The following RPS6KC1 variants were observed in gnomAD, a reference collection of about 807,000 sequenced individuals.
The protein encoded by RPS6KC1 is inactive ribosomal protein S6 kinase delta-1.
In RPS6KC1, 54 loss-of-function variants were observed where a neutral mutation model predicts 103.8. The ratio of observed to expected loss-of-function variants is 0.52; its 90% CI spans 0.42 to 0.65. RPS6KC1 has a LOEUF of 0.65. RPS6KC1 is among the 30% of genes least tolerant of loss of function. RPS6KC1 has a pLI of 0.00. For synonymous variants in RPS6KC1, 439 were observed against 438.7 expected, an observed-to-expected ratio of 1.00 and a Z score of -0.01; for missense variants, 1,151 against 1,253.8, an observed-to-expected ratio of 0.92 and a Z score of 1.24.
chr1:213,173,716 A>G (rs2091655118), intron 7 of RPS6KC1, among the ~76,000 whole-genome samples: 1 of 152,148 alleles, frequency 6.6e-6, no homozygotes, highest in Non-Finnish European at 1.5e-5. Context: ...AGAGTGTTTT[A>G]TTGTTATTTA....
At chr1:213,343,845 A>G in the RPS6KC1 span, among the ~76,000 whole-genome samples, 1 of 152,110 alleles carries the variant, frequency 6.6e-6, no homozygotes, top group African/African-American at 2.4e-5. Flanking sequence ...GGAGGAAAAT[A>G]TTGTTAATGA....
the RPS6KC1 span, among the ~76,000 whole-genome samples, chr1:213,657,890 T>A: frequency 1.3e-5 from 2 of 152,238 alleles, no homozygotes; most frequent in African/African-American, 4.8e-5. Flanking sequence ...CATGGATGAA[T>A]AACATATTTT....
chr1:213,343,214 A>G, the RPS6KC1 span, among the ~76,000 whole-genome samples: 1 of 151,562 alleles, frequency 6.6e-6, no homozygotes, highest in South Asian at 2.1e-4. Context: ...TCCCTATTTT[A>G]TAGAGCAAAA....
the RPS6KC1 span, among the ~76,000 whole-genome samples, chr1:213,407,364 T>G: frequency 3.6e-4 from 55 of 152,116 alleles, 2 homozygotes; most frequent in South Asian, 0.011. Context: ...GGGCCCTAGA[T>G]TTTGCTCATT....
chr1:213,211,542 A>G (rs2093506639), intron 8 of RPS6KC1, among the ~76,000 whole-genome samples: 1 of 152,228 alleles, frequency 6.6e-6, no homozygotes, highest in Non-Finnish European at 1.5e-5. Flanking sequence ...TTACAAAGAC[A>G]CACCATTGTC....
the RPS6KC1 span, among the ~76,000 whole-genome samples, chr1:213,643,456 T>C: frequency 1.3e-5 from 2 of 152,034 alleles, no homozygotes; most frequent in South Asian, 4.1e-4. Context: ...TGTAAATATA[T>C]GGGAATGCTG....
chr1:213,260,994 A>G (rs1180076806), intron 12 of RPS6KC1, among the ~76,000 whole-genome samples: 3 of 152,216 alleles, frequency 2.0e-5, no homozygotes, highest in African/African-American at 7.2e-5. Flanking sequence ...GTGGATTTGC[A>G]TTTCACATGC....
the RPS6KC1 span, chr1:213,820,670 A>G: frequency 1.3e-5 from 2 of 152,154 alleles, no homozygotes; most frequent in Non-Finnish European, 2.9e-5. Context: ...ACTCTTGGGT[A>G]TATTTCGACA....
chr1:213,834,836 T>G, the RPS6KC1 span, among the ~76,000 whole-genome samples: 1 of 152,156 alleles, frequency 6.6e-6, no homozygotes, highest in South Asian at 2.1e-4. Flanking sequence ...CAGCACCTAG[T>G]TCACTGAGAC....
chr1:213,423,976 G>A, the RPS6KC1 span, among the ~76,000 whole-genome samples: 1 of 152,246 alleles, frequency 6.6e-6, no homozygotes, highest in South Asian at 2.1e-4. Flanking sequence ...ATTAGTGTGA[G>A]TTTTGGAGTA....
intron 3 of RPS6KC1, among the ~76,000 whole-genome samples, chr1:213,079,576 C>T: frequency 6.6e-6 from 1 of 151,928 alleles, no homozygotes; most frequent in Non-Finnish European, 1.5e-5. Flanking sequence ...CACCACCATG[C>T]CTGGCTAATT....
chr1:213,689,139 G>T, the RPS6KC1 span, among the ~76,000 whole-genome samples: 1 of 152,184 alleles, frequency 6.6e-6, no homozygotes, highest in African/African-American at 2.4e-5. Context: ...TCAGAGGAGG[G>T]ATCCCTCACT....
At chr1:213,599,832 G>A in the RPS6KC1 span, among the ~76,000 whole-genome samples, 5 of 152,186 alleles carry the variant, frequency 3.3e-5, no homozygotes, top group African/African-American at 1.2e-4. Flanking sequence ...TCACAGAGAG[G>A]TCTGGGAAGC....
chr1:213,124,711 G>A (rs1260699503), intron 5 of RPS6KC1, among the ~76,000 whole-genome samples: 1 of 152,122 alleles, frequency 6.6e-6, no homozygotes, highest in Non-Finnish European at 1.5e-5. Context: ...GAGCTGGCCG[G>A]AGAATACGTC....
chr1:213,733,544 G>GTTTTTTTTTT, the RPS6KC1 span, among the ~76,000 whole-genome samples: 1 of 100,232 alleles, frequency 1.0e-5, no homozygotes. Context: ...GCTATTTTTA[G>GTTTTTTTTTT]TTTGTTTTTT....
At chr1:213,103,000 A>T (rs532777437) in intron 3 of RPS6KC1, among the ~76,000 whole-genome samples, 33 of 152,056 alleles carry the variant, frequency 2.2e-4, no homozygotes, top group Non-Finnish European at 3.1e-4. Flanking sequence ...TGCATCCAGG[A>T]ATTCGACATT....
the RPS6KC1 span, among the ~76,000 whole-genome samples, chr1:213,635,602 A>G: frequency 6.6e-6 from 1 of 152,206 alleles, no homozygotes; most frequent in Non-Finnish European, 1.5e-5. Context: ...TAAACTAGCT[A>G]TCGATGGAAT....
At chr1:213,187,620 C>G (rs536310011) in intron 8 of RPS6KC1, among the ~76,000 whole-genome samples, 1 of 151,482 alleles carries the variant, frequency 6.6e-6, no homozygotes, top group South Asian at 2.1e-4. Context: ...CGCTGACTTT[C>G]CTTATAACTA....
At chr1:213,636,673 C>T in the RPS6KC1 span, among the ~76,000 whole-genome samples, 1 of 152,138 alleles carries the variant, frequency 6.6e-6, no homozygotes, top group African/African-American at 2.4e-5. Flanking sequence ...TAGAAGAAAA[C>T]CTAGGCAATA....
Sources: allele counts gnomAD v4.1 joint callset (sites outside exome capture counted in the v4.1 genomes callset), GRCh38; gene constraint gnomAD v4.1.1; transcripts MANE v1.5; gene names NCBI Gene and HGNC (gene_info 2026-07-23, HGNC 2026-07-21).